TCEA1: variants seen among roughly 807,000 people sequenced by gnomAD.
TCEA1 encodes transcription elongation factor A protein 1.
TCEA1 carries 21 observed loss-of-function variants against 43.8 expected under a neutral mutation model. That is an observed-to-expected ratio of 0.48 (90% CI 0.34 to 0.69). The LOEUF (loss-of-function observed/expected upper bound fraction) is 0.69. Ranked by LOEUF, TCEA1 falls within the 30% of genes least tolerant of loss-of-function variation. The pLI is 0.01. For synonymous variants in TCEA1, 104 were observed against 117.5 expected, an observed-to-expected ratio of 0.88 and a Z score of 0.75; for missense variants, 250 against 365.1, an observed-to-expected ratio of 0.68 and a Z score of 2.57.
At chr8:53,969,140 A>C (rs1249922867) in intron 9 of TCEA1, among the ~76,000 whole-genome samples, 1 of 152,166 alleles carries the variant, frequency 6.6e-6, no homozygotes, top group African/African-American at 2.4e-5. Context: ...AAATACAAAA[A>C]TTAGCTGGGC....
At chr8:53,982,083 T>G (rs1803529232) in intron 7 of TCEA1, among the ~76,000 whole-genome samples, 1 of 152,128 alleles carries the variant, frequency 6.6e-6, no homozygotes, top group African/African-American at 2.4e-5. Context: ...GTTTTATTAT[T>G]TCAGAAATAC....
intron 2 of TCEA1, among the ~76,000 whole-genome samples, chr8:54,006,099 T>A (rs915373156): frequency 6.6e-6 from 1 of 152,224 alleles, no homozygotes; most frequent in Non-Finnish European, 1.5e-5. Context: ...CATAACAGCA[T>A]TCTGCACCTC....
At position 54,022,152 on chromosome 8, in the gene TCEA1, A is replaced by G; in HGVS notation, c.-27T>C. On this transcript the variant is annotated 5_prime_UTR_variant, in exon 1 of 10. Transcript: ENST00000521604. The stretch of plus-strand genomic sequence containing the variant: ...GCTCCGGCAGGTCTTCTCCGCGCCC[A>G]CCCCGCTGGCAAGGGGAAGTGGGCG... 6.4e-7 allele frequency: 1 copy of G among 1,565,886 alleles called. No homozygotes were observed. The highest frequency in any genetic ancestry group is 1.1e-5 in the South Asian group (1 of 89,616).
At chr8:53,986,464 T>A (rs1003293741) in intron 6 of TCEA1, among the ~76,000 whole-genome samples, 1 of 152,240 alleles carries the variant, frequency 6.6e-6, no homozygotes, top group South Asian at 2.1e-4. Flanking sequence ...TGGACACTCA[T>A]GTTTTGCTAG....
chr8:54,002,485 A>G (rs1804303511), intron 2 of TCEA1, among the ~76,000 whole-genome samples: 2 of 152,068 alleles, frequency 1.3e-5, no homozygotes, highest in Non-Finnish European at 2.9e-5. Flanking sequence ...AAAAAGAAAA[A>G]AAAGAAATGA....
chr8:53,972,884 T>C, intron 8 of TCEA1: 1 of 699,060 alleles, frequency 1.4e-6, no homozygotes, highest in Non-Finnish European at 2.7e-6. Flanking sequence ...ATGATACTAC[T>C]TTTGATGATG....
chr8:53,993,407 CT>C, intron 4 of TCEA1: 1 of 274,618 alleles, frequency 3.6e-6, no homozygotes, highest in South Asian at 1.1e-4. Flanking sequence ...CCATCAGTGC[CT>C]ACCCCAGCAA....
At chr8:54,016,930 C>G (rs1307539130) in intron 1 of TCEA1, among the ~76,000 whole-genome samples, 2 of 144,978 alleles carry the variant, frequency 1.4e-5, no homozygotes, top group Non-Finnish European at 3.0e-5. Context: ...GCCGAGATCG[C>G]GCCACTGCAC....
Position 53,984,344 on chromosome 8 carries a change from C to T in TCEA1, c.678+19G>A. On this transcript the variant is annotated intron_variant, in intron 7 of 9. Transcript: ENST00000521604. The stretch of plus-strand genomic sequence containing the variant: ...ACACAGAATCACATTATAGAAACCT[C>T]AGATTCACACATACTCACCTCTGCT... 6.3e-7 allele frequency: 1 copy of T among 1,576,176 alleles called. No homozygotes were observed. Among genetic ancestry groups the T allele is most frequent in the Admixed American group, 1.9e-5 (1 of 52,826 alleles).
chr8:53,993,920 AG>A (rs1485778666), intron 3 of TCEA1, among the ~76,000 whole-genome samples, 165 bp from the exon 4 acceptor site: 1 of 152,248 alleles, frequency 6.6e-6, no homozygotes, highest in Non-Finnish European at 1.5e-5. Context: ...TCACAATGCA[AG>A]TTCAGTCAAC....
chr8:53,981,252 T>C (rs956622518), intron 7 of TCEA1, among the ~76,000 whole-genome samples: 2 of 152,216 alleles, frequency 1.3e-5, no homozygotes, highest in South Asian at 2.1e-4. Context: ...TTGATGAAGG[T>C]AGCTATTCTA....
In TCEA1 at chr8:53,968,198, G is replaced by C. The variant is rs534244450; in HGVS notation, c.898-86C>G. 4.7e-4 allele frequency: 497 copies of C among 1,048,160 alleles called. 2 individuals are homozygous for C. The highest frequency in any genetic ancestry group is 1.2e-3 in the Admixed American group (40 of 34,460). 64.9% of individuals were successfully genotyped at this position (1,048,160 alleles called of 1,614,324 possible). A position where few individuals can be genotyped will look rare whatever the true frequency, so the allele number is the denominator to read the frequency against. ...TTTAATACAGCATACACCTGATATTGCTTTTAAAAAAGATGCATTTTTGAA... is the reference window on the plus strand; with the variant it reads ...TTTAATACAGCATACACCTGATATTCCTTTTAAAAAAGATGCATTTTTGAA... On this transcript the variant is annotated intron_variant, in intron 9 of 9. Transcript: ENST00000521604.
At chr8:53,976,924 A>G (rs1033242302) in intron 8 of TCEA1, among the ~76,000 whole-genome samples, 1 of 152,244 alleles carries the variant, frequency 6.6e-6, no homozygotes, top group Non-Finnish European at 1.5e-5. Context: ...AAAGGACTTC[A>G]GACTAGTTAA....
At chr8:53,996,966 C>T (rs1007544329) in intron 3 of TCEA1, among the ~76,000 whole-genome samples, 1 of 140,100 alleles carries the variant, frequency 7.1e-6, no homozygotes, top group Non-Finnish European at 1.5e-5. Context: ...GTGGCGCGAT[C>T]TCGGCTCAGT....
At chr8:53,973,099 A>C (rs1803214085) in intron 8 of TCEA1, 1 of 651,394 alleles carries the variant, frequency 1.5e-6, no homozygotes, top group Non-Finnish European at 2.9e-6. Context: ...AGCGAAAATG[A>C]AGAGGAGATA....
At chr8:54,003,710 G>A (rs1025516634) in intron 2 of TCEA1, among the ~76,000 whole-genome samples, 21 of 152,030 alleles carry the variant, frequency 1.4e-4, no homozygotes, top group African/African-American at 5.1e-4. Flanking sequence ...ATGAACAGGA[G>A]TAAAGCTTCA....
intron 7 of TCEA1, among the ~76,000 whole-genome samples, chr8:53,980,333 T>C (rs1418060949): frequency 6.6e-6 from 1 of 152,250 alleles, no homozygotes; most frequent in Non-Finnish European, 1.5e-5. Context: ...CTTTGCTTTA[T>C]CTTGCTCTGC....
At chr8:53,973,191 T>C (rs931350227) in intron 8 of TCEA1, 1 of 486,936 alleles carries the variant, frequency 2.1e-6, no homozygotes, top group African/African-American at 2.0e-5. Context: ...GAAGAACAAA[T>C]CACTAAATAT....
At chr8:54,019,519 G>A (rs928993712) in intron 1 of TCEA1, among the ~76,000 whole-genome samples, 19 of 149,150 alleles carry the variant, frequency 1.3e-4, no homozygotes, top group Non-Finnish European at 1.9e-4. Flanking sequence ...GCAGTGAGCC[G>A]AGATTGCACC....
Sources: gnomAD v4.1 joint callset for allele counts (sites outside exome capture counted in the v4.1 genomes callset) on GRCh38, gnomAD v4.1.1 for gene constraint, MANE v1.5 for transcripts, NCBI Gene and HGNC (gene_info 2026-07-23, HGNC 2026-07-21) for gene names.